Variants in HS6ST2 observed in about 807,000 individuals in gnomAD.
The protein encoded by HS6ST2 is heparan sulfate 6-O-sulfotransferase 2, also known as heparan-sulfate 6-O-sulfotransferase 2.
HS6ST2 carries 17 observed loss-of-function variants against 33.0 expected under a neutral mutation model. The ratio of observed to expected loss-of-function variants is 0.52; its 90% confidence interval spans 0.35 to 0.77. The LOEUF (loss-of-function observed/expected upper bound fraction) is 0.77. HS6ST2 is among the 30% of genes least tolerant of loss of function. The pLI, the probability that HS6ST2 is intolerant of heterozygous loss-of-function variation, is 0.01. For missense variants in HS6ST2, 519 were observed against 551.7 expected (o/e 0.94, Z 0.59); for synonymous variants, 248 against 237.1 (o/e 1.05, Z -0.42).
chrX:132,643,444 T>C (rs780415485), intron 4 of HS6ST2, among the ~76,000 whole-genome samples: 2 of 111,938 alleles, frequency 1.8e-5, no homozygotes, highest in East Asian at 5.7e-4. Context: ...TTCCTGTGAA[T>C]GGAACCAATG....
At chrX:132,804,001 G>A (rs1329074314) in intron 2 of HS6ST2, among the ~76,000 whole-genome samples, 1 of 111,611 alleles carries the variant, frequency 9.0e-6, no homozygotes, top group African/African-American at 3.3e-5. Context: ...ACTGGCCATG[G>A]CAGGGGATAA....
intron 2 of HS6ST2, among the ~76,000 whole-genome samples, chrX:132,774,712 G>A (rs768272674): frequency 1.6e-3 from 179 of 110,708 alleles, no homozygotes; most frequent in South Asian, 1.6e-3. Context: ...CTGGAGTCTC[G>A]CTCTGTCGCC....
chrX:132,869,912 GC>G (rs1380670971), intron 2 of HS6ST2, among the ~76,000 whole-genome samples: 2 of 111,418 alleles, frequency 1.8e-5, no homozygotes, highest in African/African-American at 6.5e-5. Flanking sequence ...GGAAGTTCTG[GC>G]CAGGGAAATC....
chrX:132,630,355 C>T (rs1398401284), intron 4 of HS6ST2, among the ~76,000 whole-genome samples: 1 of 112,125 alleles, frequency 8.9e-6, no homozygotes, highest in African/African-American at 3.2e-5. Context: ...AGGGAACCTG[C>T]TCAGCCACCT....
At chrX:132,816,907 C>T (rs1040459123) in intron 2 of HS6ST2, among the ~76,000 whole-genome samples, 1 of 110,982 alleles carries the variant, frequency 9.0e-6, no homozygotes, top group African/African-American at 3.3e-5. Context: ...CTCTAATTGG[C>T]GGTGATTAGA....
At chrX:132,650,985 C>T (rs936175134) in intron 4 of HS6ST2, among the ~76,000 whole-genome samples, 4 of 110,927 alleles carry the variant, frequency 3.6e-5, no homozygotes, top group Non-Finnish European at 5.7e-5. Context: ...CCAGGCTTGT[C>T]TTGAACTCCT....
chrX:132,863,634 C>G (rs1035192734), intron 2 of HS6ST2, among the ~76,000 whole-genome samples: 7 of 110,490 alleles, frequency 6.3e-5, no homozygotes, highest in Non-Finnish European at 1.1e-4. Context: ...ATATTTGGTT[C>G]TTAAAATCAT....
At chrX:132,777,716 G>A (rs1392337469) in intron 2 of HS6ST2, among the ~76,000 whole-genome samples, 1 of 109,535 alleles carries the variant, frequency 9.1e-6, no homozygotes, top group Non-Finnish European at 1.9e-5. Flanking sequence ...CAAAGTGCTG[G>A]GATTACAGGC....
At chrX:132,633,643 C>A (rs1453257413) in intron 4 of HS6ST2, among the ~76,000 whole-genome samples, 1 of 110,995 alleles carries the variant, frequency 9.0e-6, no homozygotes, top group Non-Finnish European at 1.9e-5. Context: ...AGATAAGGTA[C>A]GGAGTGGTCA....
chrX:132,951,130 T>C (rs1165434656), intron 2 of HS6ST2, among the ~76,000 whole-genome samples: 1 of 111,450 alleles, frequency 9.0e-6, no homozygotes, highest in Non-Finnish European at 1.9e-5. Flanking sequence ...TCTGTTTTGG[T>C]GGCTGGTACC....
rs182501765 is a variant in HS6ST2 at position 132,838,157 on chromosome X, T to C, written c.947+118651A>G. Among the ~76,000 whole-genome samples the C allele has an allele frequency of 1.5e-4, 17 of 111,792 alleles. No individual in the cohort carries two copies. The East Asian group carries it at 4.8e-3, about 31-fold the overall frequency. ...ACACAAGCTCTCCCCGCCCACCCAC[T>C]TCACCAGATCCTGGCAGGCCTACAG... On this transcript the variant is annotated intron_variant, in intron 2 of 4. Transcript: ENST00000370833.
intron 3 of HS6ST2, among the ~76,000 whole-genome samples, chrX:132,686,328 C>A (rs1016820345): frequency 1.8e-5 from 2 of 112,263 alleles, no homozygotes; most frequent in Non-Finnish European, 3.8e-5. Context: ...TAAATCACAA[C>A]CCTCACTAAT....
At chrX:132,880,666 T>C (rs1286718007) in intron 2 of HS6ST2, among the ~76,000 whole-genome samples, 1 of 109,269 alleles carries the variant, frequency 9.2e-6, no homozygotes, top group African/African-American at 3.3e-5. Flanking sequence ...CCAGGGTACA[T>C]GTGCACAACG....
At chrX:132,692,098 T>C (rs1371775827) in intron 3 of HS6ST2, among the ~76,000 whole-genome samples, 2 of 112,318 alleles carry the variant, frequency 1.8e-5, no homozygotes, top group Non-Finnish European at 3.8e-5. Flanking sequence ...GCTGATTACT[T>C]GATTTCTTCA....
chrX:132,945,861 G>A, intron 2 of HS6ST2, among the ~76,000 whole-genome samples: 1 of 65,115 alleles, frequency 1.5e-5, no homozygotes, highest in Non-Finnish European at 2.7e-5. Context: ...GGGGTGGGGG[G>A]AGGGGGGAGG....
At chrX:132,708,407 C>G (rs1003728668) in intron 3 of HS6ST2, 55 bp downstream of exon 3, 3 of 870,957 alleles carry the variant, frequency 3.4e-6, no homozygotes, top group African/African-American at 4.3e-5. Context: ...ACTGCAGAGT[C>G]TCTTTTTTCT....
intron 2 of HS6ST2, among the ~76,000 whole-genome samples, chrX:132,741,983 T>C (rs1021488179): frequency 8.9e-6 from 1 of 112,072 alleles, no homozygotes; most frequent in Non-Finnish European, 1.9e-5. Flanking sequence ...ACAGTGCCTG[T>C]CACACAAGAC....
chrX:132,922,908 C>G (rs1197863152), intron 2 of HS6ST2, among the ~76,000 whole-genome samples: 1 of 109,836 alleles, frequency 9.1e-6, no homozygotes, highest in African/African-American at 3.3e-5. Context: ...ACTAAAAATA[C>G]AAAAATTAGC....
At chrX:132,856,255 C>T (rs756215485) in intron 2 of HS6ST2, among the ~76,000 whole-genome samples, 12 of 112,289 alleles carry the variant, frequency 1.1e-4, no homozygotes, top group Non-Finnish European at 2.1e-4. Context: ...AGACTACATT[C>T]ATATAATTTT....
Sources: allele counts gnomAD v4.1 joint callset (sites outside exome capture counted in the v4.1 genomes callset), GRCh38; gene constraint gnomAD v4.1.1; transcripts MANE v1.5; gene names NCBI Gene and HGNC (gene_info 2026-07-23, HGNC 2026-07-21).